Variants in KMT2D observed in about 807,000 individuals in gnomAD.
KMT2D encodes the protein lysine methyltransferase 2D.
Under a neutral mutation model 512.7 loss-of-function variants are expected in KMT2D, and 55 were observed. The observed-to-expected ratio is 0.11, with a 90% confidence interval of 0.09 to 0.13. KMT2D has a LOEUF of 0.13. Among genes scored for constraint, KMT2D ranks in the 10% least tolerant of loss-of-function variants. The pLI, the probability that KMT2D is intolerant of heterozygous loss-of-function variation, is 1.00. For synonymous variants in KMT2D, 2,995 were observed against 2,904.0 expected (o/e 1.03, Z -1.01); for missense variants, 6,061 against 7,127.9 (o/e 0.85, Z 5.39).
rs778159341 is a variant in KMT2D, at chr12:49,029,258, T to C, written c.14076-22A>G. ...CATCCTGGGGACCAAAAGTAGACAT[T>C]TGTTGCTACAGCCCTGCAGACTCCC... On this transcript the variant is annotated intron_variant, in intron 44 of 54. Transcript: ENST00000301067. The C allele has an allele frequency of 5.0e-6, 8 of 1,607,538 alleles. No homozygotes were observed. The Middle Eastern group carries it at 6.6e-4, about 133-fold the overall frequency.
rs1347051511 is a variant in KMT2D at position 49,033,972 on chromosome 12, G to A, written c.10741-8C>T. ...CTTCTGCTGTTTCCGGACCTAACAT[G>A]GGAGGGTCGGAGAGGTCAGGCTGGG... On this transcript the variant is annotated splice_polypyrimidine_tract_variant and splice_region_variant and intron_variant, in intron 39 of 54. Transcript: ENST00000301067. The A allele has an allele frequency of 6.5e-7, 1 of 1,536,192 alleles. No individual in the cohort carries two copies. Among genetic ancestry groups the A allele is most frequent in the Non-Finnish European group, 8.8e-7 (1 of 1,140,168 alleles).
rs753870260 is a variant in KMT2D, at chr12:49,039,610, C to A, written c.8054G>T (p.Arg2685Leu). 6.2e-7 allele frequency: 1 copy of A among 1,608,048 alleles called. No individual in the cohort carries two copies. Among genetic ancestry groups the A allele is most frequent in the South Asian group, 1.1e-5 (1 of 90,924 alleles). Reference protein sequence around the residue: ...TELEKQRQRQRLRELLIRQQI... With the variant: ...TELEKQRQRQLLRELLIRQQI... ...CTGCCGAATCAGCAGCTCTCGTAGTCGCTGGCGCTATGCAAAAAAAAGAGA... is the reference window on the plus strand; with the variant it reads ...CTGCCGAATCAGCAGCTCTCGTAGTAGCTGGCGCTATGCAAAAAAAAGAGA... Residue 2685 changes from arginine (R) to leucine (L), a missense_variant, in exon 33 of 55, where the codon CGA becomes CTA. Coordinates refer to ENST00000301067, the MANE Select transcript of KMT2D (RefSeq NM_003482.4). The surrounding 1 kb of genome is among the most constrained non-coding windows in gnomAD (Gnocchi z 5.0).
chr12:49,045,516 C>G (rs1943742798), intron 19 of KMT2D, among the ~76,000 whole-genome samples: 1 of 151,908 alleles, frequency 6.6e-6, no homozygotes, highest in Admixed American at 6.6e-5. Context: ...TGGTGGCGGG[C>G]ACCTGTAGTC....
In KMT2D at chr12:49,050,588, G is replaced by A. The variant is rs1937903762; in HGVS notation, c.3000C>T (p.Ile1000=). 1 of 1,606,558 alleles carries A rather than the reference G, an allele frequency of 6.2e-7. No individual in the cohort carries two copies. Among genetic ancestry groups the A allele is most frequent in the African/African-American group, 1.3e-5 (1 of 74,742 alleles). The part of the protein sequence containing the change: ...CTDPEPVPPM[I]LPPSPGSPVG... Reference sequence around the variant, plus strand: ...CTGGGGAGCCTGGAGATGGGGGAAGGATCATAGGGGGGACAGGCTCAGGGT... The same window carrying A: ...CTGGGGAGCCTGGAGATGGGGGAAGAATCATAGGGGGGACAGGCTCAGGGT... Residue 1000 remains isoleucine, a synonymous_variant, in exon 12 of 55, where the codon ATC becomes ATT. Coordinates refer to ENST00000301067, the MANE Select transcript of KMT2D (RefSeq NM_003482.4).
At chr12:49,030,494 A>T in intron 42 of KMT2D, 55 bp from the exon 43 acceptor site, 1 of 1,396,648 alleles carries the variant, frequency 7.2e-7, no homozygotes, top group South Asian at 1.3e-5. Context: ...AGACTGATAT[A>T]ATCTCCTGGC....
At position 49,022,590 on chromosome 12, in the gene KMT2D, C is replaced by T. The variant is rs2137706117; in HGVS notation, c.16338G>A (p.Gln5446=). 1 of 1,613,070 alleles carries T rather than the reference C, an allele frequency of 6.2e-7. No individual in the cohort carries two copies. The highest frequency in any genetic ancestry group is 8.5e-7 in the Non-Finnish European group (1 of 1,179,204). ...CAATGGCCCCTCTGCCAGCTCATAC[C>T]TGCTCTTCGTAGATTTTCTCCCGCC... The part of the protein sequence containing the change: ...ANRREKIYEE[Q]NRGIYMFRIN... The change falls in exon 52 of 55, where the codon CAG becomes CAA. Residue 5446 remains glutamine, a splice_region_variant and synonymous_variant. Coordinates refer to ENST00000301067, the MANE Select transcript of KMT2D (RefSeq NM_003482.4). The surrounding 1 kb of genome is among the most constrained non-coding windows in gnomAD (Gnocchi z 8.6).
At chr12:49,030,051 A>G (rs1340723631) in intron 43 of KMT2D, among the ~76,000 whole-genome samples, 2 of 152,164 alleles carry the variant, frequency 1.3e-5, no homozygotes, top group Non-Finnish European at 2.9e-5. Flanking sequence ...AGCTTCATAA[A>G]GATGCTCCCT....
chr12:49,029,375 AT>A, intron 44 of KMT2D, 25 bp downstream of exon 44: 10 of 1,557,018 alleles, frequency 6.4e-6, no homozygotes, highest in Non-Finnish European at 8.7e-6. Flanking sequence ...CTTGTTCCTC[AT>A]CCCCATTTCT....
chr12:49,024,967 C>T lies in KMT2D; in HGVS notation c.15785-21G>A, dbSNP rs2137712254. On this transcript the variant is annotated intron_variant, in intron 49 of 54. Coordinates refer to ENST00000301067, the MANE Select transcript of KMT2D (RefSeq NM_003482.4). The surrounding 1 kb of genome is among the most constrained non-coding windows in gnomAD (Gnocchi z 4.5). ...CACGGCTAAGAAGCAGGGAAGAGAG[C>T]AGTCCTCAGAGGCAACTTCTGCTCA... 6.3e-7 allele frequency: 1 copy of T among 1,578,738 alleles called. No individual in the cohort carries two copies. The highest frequency in any genetic ancestry group is 8.6e-7 in the Non-Finnish European group (1 of 1,162,158).
At position 49,051,370 on chromosome 12, in the gene KMT2D, G is replaced by C. The variant is rs777845004; in HGVS notation, c.2313C>G (p.Ser771=). The stretch of plus-strand genomic sequence containing the variant: ...ATAGGCATGGCTCCTCAGGCTGGGG[G>C]GACAGGTGTGGCTCCTCAGCCTGCG... ...LSPQAEEPHL[S]PQPEEPCLCA... is the part of the protein sequence containing the mutation. Residue 771 remains serine, a synonymous_variant, in exon 11 of 55, where the codon TCC becomes TCG. Coordinates refer to ENST00000301067, the MANE Select transcript of KMT2D (RefSeq NM_003482.4). 3 of 1,610,198 alleles carry C rather than the reference G, an allele frequency of 1.9e-6. No individual in the cohort carries two copies. Among genetic ancestry groups the C allele is most frequent in the Non-Finnish European group, 2.5e-6 (3 of 1,178,068 alleles).
In KMT2D at chr12:49,054,670, C is replaced by G. The variant is rs755981076; in HGVS notation, c.258G>C (p.Glu86Asp). The G allele has an allele frequency of 6.2e-7, 1 of 1,612,744 alleles. No individual in the cohort carries two copies. The highest frequency in any genetic ancestry group is 8.5e-7 in the Non-Finnish European group (1 of 1,179,290). The change falls in exon 4 of 55, where the codon GAG (glutamate) becomes GAC (aspartate). Residue 86 changes from glutamate (E) to aspartate (D), a missense_variant. Coordinates refer to ENST00000301067, the MANE Select transcript of KMT2D (RefSeq NM_003482.4). The surrounding 1 kb of genome is among the most constrained non-coding windows in gnomAD (Gnocchi z 6.4). The stretch of plus-strand genomic sequence containing the variant: ...GACACCGGGGCCAATCAAATGGCAA[C>G]TCAAAGCGCCGTAGCTCCCGCTGCC... ...LHGQRELRRF[E>D]LPFDWPRCPV...
chr12:49,025,299 C>T (rs930807473), intron 49 of KMT2D, among the ~76,000 whole-genome samples: 8 of 152,252 alleles, frequency 5.3e-5, no homozygotes, highest in African/African-American at 1.9e-4. Flanking sequence ...AATACAGTCA[C>T]GTGCAGCTTA....
Position 49,050,291 on chromosome 12 carries a change from C to A in KMT2D, c.3297G>T (p.Gly1099=), listed in dbSNP as rs1199432814. The change falls in exon 12 of 55, where the codon GGG becomes GGT. Residue 1099 remains glycine, a synonymous_variant. Transcript: ENST00000301067. ...GGCTGGGGGCGGGGCAGGAAAGGTC[C>A]CCCATTGGGGAAGGGAGAGGACTGG... The part of the protein sequence containing the change: ...SATSPLPSPM[G]DLSCPAPSPA... 21 of 1,611,328 alleles carry A rather than the reference C, an allele frequency of 1.3e-5. No individual in the cohort carries two copies. Among genetic ancestry groups the A allele is most frequent in the Non-Finnish European group, 1.8e-5 (21 of 1,178,754 alleles).
chr12:49,041,275 G>A lies in KMT2D; in HGVS notation c.6495C>T (p.Pro2165=), dbSNP rs2120544338. The A allele has an allele frequency of 6.6e-7, 1 of 1,520,722 alleles. No individual in the cohort carries two copies. The highest frequency in any genetic ancestry group is 8.8e-7 in the Non-Finnish European group (1 of 1,137,866). The allele number at this position is 1,520,722 out of a possible 1,614,324, so 94.2% of individuals were successfully genotyped here. ...GCGAAGGCACTTGGGCGGGCACCTG[G>A]GGTGGGAGCTTGAGGAAGAGCTCAC... The part of the protein sequence containing the change: ...SPGELFLKLP[P]QVPAQVPSQD... The change falls in exon 32 of 55, where the codon CCC becomes CCT. Residue 2165 remains proline, a synonymous_variant. Transcript: ENST00000301067. The surrounding 1 kb of genome is among the most constrained non-coding windows in gnomAD (Gnocchi z 5.4).
chr12:49,032,059 G>A lies in KMT2D; in HGVS notation c.12646C>T (p.Pro4216Ser). 1 of 1,613,778 alleles carries A rather than the reference G, an allele frequency of 6.2e-7. No individual in the cohort carries two copies. The highest frequency in any genetic ancestry group is 8.5e-7 in the Non-Finnish European group (1 of 1,179,792). Reference sequence around the variant, plus strand: ...GCCTGTAGCTGCTGCTGCTGCTGAGGACTTAAGTGCCGCAGCTGTGGGTTT... The same window carrying A: ...GCCTGTAGCTGCTGCTGCTGCTGAGAACTTAAGTGCCGCAGCTGTGGGTTT... ...AKNPQLRHLSPQQQQQLQALL... is the reference protein window; with the variant it reads ...AKNPQLRHLSSQQQQQLQALL... The change falls in exon 40 of 55, where the codon CCT becomes TCT. Residue 4216 changes from proline to serine, a missense_variant. Physicochemically the swap from Pro to Ser is moderately conservative, Grantham distance 74. Around this residue, in one of 16 missense-constraint regions of KMT2D, gnomAD observed 1,600 missense variants for 1,754.9 expected, o/e 0.91. Coordinates refer to ENST00000301067, the MANE Select transcript of KMT2D (RefSeq NM_003482.4).
rs749367716 is a variant in KMT2D at position 49,040,107 on chromosome 12, C to G, written c.7663G>C (p.Gly2555Arg). Residue 2555 changes from glycine (G) to arginine (R), a missense_variant, in exon 32 of 55, where the codon GGT (glycine) becomes CGT (arginine). Around this residue, in one of 16 missense-constraint regions of KMT2D, gnomAD observed 710 missense variants for 647.3 expected, o/e 1.10. Coordinates refer to ENST00000301067, the MANE Select transcript of KMT2D (RefSeq NM_003482.4). ...TTGATCCCATGGGGTGGCGGGAGAC[C>G]AGGCTGAGGGACAGGGGGCTTTAGG... ...PSLKPPVPQP[G>R]LPPPHGINSH... 1 of 1,613,910 alleles carries G rather than the reference C, an allele frequency of 6.2e-7. No homozygotes were observed. The highest frequency in any genetic ancestry group is 8.5e-7 in the Non-Finnish European group (1 of 1,179,850).
rs757905884 is a variant in KMT2D, at chr12:49,052,601, C to G, written c.1221G>C (p.Lys407Asn). The G allele has an allele frequency of 1.2e-6, 2 of 1,613,444 alleles. No individual in the cohort carries two copies. The highest frequency in any genetic ancestry group is 2.2e-5 in the East Asian group (1 of 44,880). Residue 407 changes from lysine to asparagine, a missense_variant, in exon 10 of 55, where the codon AAG becomes AAC. Physicochemically the swap from Lys to Asn is moderately conservative, Grantham distance 94 (BLOSUM62 0). Transcript: ENST00000301067. Reference protein sequence around the residue: ...KGGHVTSMQPKEPGPLQCEAK... With the variant: ...KGGHVTSMQPNEPGPLQCEAK... The stretch of plus-strand genomic sequence containing the variant: ...CTTCACATTGCAGGGGCCCTGGTTC[C>G]TTGGGTTGCATAGAGGTCACGTGCC...
At position 49,021,742 on chromosome 12, in the gene KMT2D, G is replaced by GGTA; in HGVS notation, c.*35_*37dup. The stretch of plus-strand genomic sequence containing the variant: ...CATCCCTTTCAGGGAAGAGGTTGTG[G>GGTA]GTAGGGGGACTCCCCTGCCTGGTAG... On this transcript the variant is annotated 3_prime_UTR_variant, in exon 55 of 55. Transcript: ENST00000301067. The GGTA allele has an allele frequency of 3.3e-6, 5 of 1,503,514 alleles. No individual in the cohort carries two copies. The highest frequency in any genetic ancestry group is 3.7e-6 in the Non-Finnish European group (4 of 1,080,322). The allele number at this position is 1,503,514 out of a possible 1,614,324, so 93.1% of individuals were successfully genotyped here.
rs1385035321 is a variant in KMT2D at position 49,034,899 on chromosome 12, G to A, written c.10268C>T (p.Pro3423Leu). 5.6e-6 allele frequency: 9 copies of A among 1,613,984 alleles called. No homozygotes were observed. Among genetic ancestry groups the A allele is most frequent in the Non-Finnish European group, 7.6e-6 (9 of 1,179,898 alleles). ...DKFAAEDIID[P>L]IAKAKMVALK... ...AGCCACCATCTTGGCCTTTGCAATG[G>A]GATCAATGATATCTTCTGCAGCAAA... Residue 3423 changes from proline to leucine, a missense_variant, in exon 36 of 55, where the codon CCC (proline) becomes CTC (leucine). By Grantham distance (98) the Pro-to-Leu change is moderately conservative (BLOSUM62 -3). Transcript: ENST00000301067.
Sources: gnomAD v4.1 joint callset for allele counts (sites outside exome capture counted in the v4.1 genomes callset) on GRCh38, gnomAD v4.1.1 for gene constraint, gnomAD v4.1.1 regional missense constraint, Gnocchi (gnomAD v3.1) non-coding constraint, MANE v1.5 for transcripts, NCBI Gene and HGNC (gene_info 2026-07-23, HGNC 2026-07-21) for gene names.